SORT1: variants seen among roughly 807,000 people sequenced by gnomAD.
The protein encoded by SORT1 is sortilin.
Under a neutral mutation model 101.7 loss-of-function variants are expected in SORT1, and 39 were observed. The ratio of observed to expected loss-of-function variants is 0.38; its 90% CI spans 0.30 to 0.50. The LOEUF (loss-of-function observed/expected upper bound fraction) is 0.50, where lower values mean the gene tolerates loss of function less well. Among genes scored for constraint, SORT1 ranks in the 20% least tolerant of loss-of-function variants. The pLI is 0.90. For synonymous variants in SORT1, 396 were observed against 393.7 expected (o/e 1.01, Z -0.07); for missense variants, 878 against 1,040.4 (o/e 0.84, Z 2.15).
At chr1:109,350,483 T>C (rs992853391) in intron 6 of SORT1, among the ~76,000 whole-genome samples, 3 of 152,184 alleles carry the variant, frequency 2.0e-5, no homozygotes, top group African/African-American at 7.2e-5. Context: ...TGGTGCGCAA[T>C]GTGACTTCAG....
chr1:109,390,757 GTGTGTGTGTGTGTA>G (rs1175789074), intron 1 of SORT1, among the ~76,000 whole-genome samples: 70 of 145,864 alleles, frequency 4.8e-4, no homozygotes, highest in Non-Finnish European at 8.3e-4. Flanking sequence ...TAGAAAGTGT[GTGTGTGTGTGTGTA>G]TGTGTGTGTG....
chr1:109,356,995 T>C (rs1024462650), intron 3 of SORT1, among the ~76,000 whole-genome samples: 1 of 152,272 alleles, frequency 6.6e-6, no homozygotes, highest in African/African-American at 2.4e-5. Flanking sequence ...AATGATAGAA[T>C]ATAGTTATGT....
chr1:109,371,546 T>G (rs1264771093), intron 1 of SORT1, among the ~76,000 whole-genome samples: 1 of 152,236 alleles, frequency 6.6e-6, no homozygotes, highest in Non-Finnish European at 1.5e-5. Context: ...TTCATCAGGC[T>G]GTAAGATATC....
intron 7 of SORT1, 21 bp downstream of exon 7, chr1:109,347,462 C>T: frequency 6.4e-7 from 1 of 1,562,630 alleles, no homozygotes; most frequent in African/African-American, 1.4e-5. Context: ...ACATTATTTT[C>T]TGGGACTAAA....
chr1:109,345,926 G>A lies in SORT1; in HGVS notation c.833-45C>T, dbSNP rs199989166. 1.9e-6 allele frequency: 3 copies of A among 1,547,086 alleles called. No homozygotes were observed. The East Asian group carries it at 6.7e-5, about 35-fold the overall frequency. On this transcript the variant is annotated intron_variant, in intron 7 of 19. Transcript: ENST00000256637. ...TAATTAAAATTTCACTTACTGGTGA[G>A]CCTAGTTCAAAGCAGTTGTTTTAGA...
chr1:109,382,102 T>C (rs568239539), intron 1 of SORT1, among the ~76,000 whole-genome samples: 1 of 151,494 alleles, frequency 6.6e-6, no homozygotes, highest in Non-Finnish European at 1.5e-5. Context: ...AAGGAAAGGG[T>C]GATATAAAAA....
intron 3 of SORT1, among the ~76,000 whole-genome samples, chr1:109,356,936 T>G (rs1477663713): frequency 1.3e-5 from 2 of 152,234 alleles, no homozygotes; most frequent in Non-Finnish European, 2.9e-5. Flanking sequence ...AAGACTGCTG[T>G]GCACTGCAAA....
At chr1:109,395,886 G>T (rs1653155487) in intron 1 of SORT1, among the ~76,000 whole-genome samples, 1 of 151,956 alleles carries the variant, frequency 6.6e-6, no homozygotes, top group Non-Finnish European at 1.5e-5. Context: ...ACCAGCCTGG[G>T]GAACATGGCA....
intron 10 of SORT1, among the ~76,000 whole-genome samples, chr1:109,337,186 A>G (rs1648890136): frequency 6.6e-6 from 1 of 152,150 alleles, no homozygotes; most frequent in South Asian, 2.1e-4. Context: ...TTTCAATGAT[A>G]TAAACTGTTG....
intron 18 of SORT1, 26 bp downstream of exon 18, chr1:109,314,646 C>T: frequency 6.8e-7 from 1 of 1,471,466 alleles, no homozygotes; most frequent in Non-Finnish European, 9.5e-7. Flanking sequence ...AACTCAGTAC[C>T]TTGGATTGAC....
At chr1:109,315,030 C>T (rs1226508371) in intron 17 of SORT1, among the ~76,000 whole-genome samples, 1 of 152,122 alleles carries the variant, frequency 6.6e-6, no homozygotes, top group African/African-American at 2.4e-5. Flanking sequence ...GTCAAAGTTA[C>T]ACTGGAAGCC....
At chr1:109,353,128 C>T (rs1383761763) in intron 5 of SORT1, among the ~76,000 whole-genome samples, 2 of 151,970 alleles carry the variant, frequency 1.3e-5, no homozygotes, top group East Asian at 1.9e-4. Flanking sequence ...GAGTTCGAGA[C>T]CAGCCTGGCC....
chr1:109,378,689 T>C (rs1314886539), intron 1 of SORT1, among the ~76,000 whole-genome samples: 3 of 94,654 alleles, frequency 3.2e-5, no homozygotes, highest in Non-Finnish European at 5.9e-5. Context: ...CAACAGAAGG[T>C]AGAGTGAATG....
intron 8 of SORT1, among the ~76,000 whole-genome samples, chr1:109,344,582 C>CA (rs1281395188): frequency 6.6e-6 from 1 of 152,234 alleles, no homozygotes; most frequent in South Asian, 2.1e-4. Context: ...ACTTAGGTCT[C>CA]AGAGAGCCCA....
At chr1:109,354,246 T>A in intron 5 of SORT1, 121 bp downstream of exon 5, 1 of 693,366 alleles carries the variant, frequency 1.4e-6, no homozygotes, top group Non-Finnish European at 2.3e-6. Flanking sequence ...ACATACTTCA[T>A]GCCATAAGGA....
At chr1:109,366,270 C>A (rs1651083636) in intron 3 of SORT1, among the ~76,000 whole-genome samples, 1 of 152,166 alleles carries the variant, frequency 6.6e-6, no homozygotes, top group African/African-American at 2.4e-5. Flanking sequence ...ACCATCATCG[C>A]CAGTGTGAAC....
At chr1:109,375,347 G>T (rs1651754694) in intron 1 of SORT1, among the ~76,000 whole-genome samples, 1 of 151,988 alleles carries the variant, frequency 6.6e-6, no homozygotes, top group Admixed American at 6.6e-5. Flanking sequence ...CAGATCACGA[G>T]GTCAGGAGAT....
chr1:109,346,852 CTTTT>C (rs1490400370), intron 7 of SORT1, among the ~76,000 whole-genome samples: 2 of 149,602 alleles, frequency 1.3e-5, no homozygotes, highest in African/African-American at 4.9e-5. Context: ...CTTTTCTTTT[CTTTT>C]AAGGGCTGGG....
chr1:109,329,309 G>A (rs140942150), intron 11 of SORT1, among the ~76,000 whole-genome samples: 2,565 of 152,088 alleles, frequency 0.017, 65 homozygotes, highest in African/African-American at 0.058. Flanking sequence ...GCTGGAGTGC[G>A]GTGGTGCCAT....
Sources: gnomAD v4.1 joint callset for allele counts (sites outside exome capture counted in the v4.1 genomes callset) on GRCh38, gnomAD v4.1.1 for gene constraint, MANE v1.5 for transcripts, NCBI Gene and HGNC (gene_info 2026-07-23, HGNC 2026-07-21) for gene names.